The following RBFOX1 variants were observed in gnomAD, a reference collection of about 807,000 sequenced individuals.
The protein encoded by RBFOX1 is RNA binding fox-1 homolog 1, also known as RNA binding protein fox-1 homolog 1.
RBFOX1 carries 8 observed loss-of-function variants against 57.7 expected under a neutral mutation model. The ratio of observed to expected loss-of-function variants is 0.14; its 90% CI spans 0.08 to 0.25. The LOEUF is 0.25. Ranked by LOEUF, RBFOX1 falls within the 10% of genes least tolerant of loss-of-function variation. The pLI is 1.00. For missense variants in RBFOX1, 611 were observed against 548.5 expected, an observed-to-expected ratio of 1.11 and a Z score of -1.14; for synonymous variants, 326 against 222.4, an observed-to-expected ratio of 1.47 and a Z score of -4.15.
At chr16:6,453,897 C>A (rs893806638) in intron 2 of RBFOX1, among the ~76,000 whole-genome samples, 1 of 152,210 alleles carries the variant, frequency 6.6e-6, no homozygotes, top group Non-Finnish European at 1.5e-5. Context: ...TAGTAAAATG[C>A]CACAGACTGT....
chr16:5,946,410 C>T lies in RBFOX1; in HGVS notation c.351+79075C>T, dbSNP rs79231906. Among the ~76,000 whole-genome samples the T allele has an allele frequency of 1.0e-3, 153 of 152,240 alleles. 1 individual carries two copies. In the East Asian group the frequency reaches 0.022, roughly 22 times the overall value. On this transcript the variant is annotated intron_variant, in intron 4 of 19. Transcript: ENST00000641259. The surrounding 1 kb of genome is among the most constrained non-coding windows in gnomAD (Gnocchi z 4.6). ...TGTTTATCAAACACCAACCAAGTGCCGGATGCACTACTCTATCTTGCGACA... is the reference window on the plus strand; with the variant it reads ...TGTTTATCAAACACCAACCAAGTGCTGGATGCACTACTCTATCTTGCGACA...
At chr16:5,977,925 T>C (rs2060097445) in intron 4 of RBFOX1, among the ~76,000 whole-genome samples, 1 of 151,810 alleles carries the variant, frequency 6.6e-6, no homozygotes, top group Non-Finnish European at 1.5e-5. Context: ...CCTGCTAAAA[T>C]CGATATTCCA....
intron 3 of RBFOX1, among the ~76,000 whole-genome samples, chr16:6,930,894 C>G (rs1378214296): frequency 6.6e-6 from 1 of 152,048 alleles, no homozygotes; most frequent in Non-Finnish European, 1.5e-5. Context: ...CCCCTGCCCC[C>G]TCACCATAGC....
intron 1 of RBFOX1, among the ~76,000 whole-genome samples, chr16:6,167,350 G>C (rs1029982413): frequency 6.6e-6 from 1 of 152,128 alleles, no homozygotes; most frequent in Non-Finnish European, 1.5e-5. Flanking sequence ...CTCCCAGCCT[G>C]GCTTCAGCTT....
intron 4 of RBFOX1, among the ~76,000 whole-genome samples, chr16:7,280,757 C>T (rs1436480178): frequency 1.3e-5 from 2 of 152,070 alleles, no homozygotes; most frequent in East Asian, 1.9e-4. Flanking sequence ...TTGGCAAAAT[C>T]CCTGGCCTTT....
At position 6,122,395 on chromosome 16, in the gene RBFOX1, C is replaced by T. The variant is rs1173026437; in HGVS notation, c.-127+102403C>T. Reference sequence around the variant, plus strand: ...ACACACACACACACACACACACACACATTTTTAAAGGAGCTTTCAACCTGC... The same window carrying T: ...ACACACACACACACACACACACACATATTTTTAAAGGAGCTTTCAACCTGC... On this transcript the variant is annotated intron_variant, in intron 1 of 15. Transcript: ENST00000550418. Among the ~76,000 whole-genome samples, 5 of 139,746 alleles carry T rather than the reference C, an allele frequency of 3.6e-5. No homozygotes were observed. The East Asian group carries it at 6.6e-4, about 18-fold the overall frequency. The allele number at this position is 139,746 out of a possible 152,430, so 91.7% of individuals were successfully genotyped here.
chr16:7,699,476 G>A (rs2079936250), intron 14 of RBFOX1, among the ~76,000 whole-genome samples: 1 of 152,116 alleles, frequency 6.6e-6, no homozygotes, highest in South Asian at 2.1e-4. Flanking sequence ...ACAGGCACGG[G>A]CCCACCACAC....
At chr16:6,121,896 T>C (rs894217894) in intron 1 of RBFOX1, among the ~76,000 whole-genome samples, 1 of 152,182 alleles carries the variant, frequency 6.6e-6, no homozygotes, top group Admixed American at 6.5e-5. Context: ...TCAATGACTC[T>C]TTTTGTTATT....
intron 1 of RBFOX1, among the ~76,000 whole-genome samples, chr16:5,257,120 T>C (rs2062608994): frequency 1.3e-5 from 2 of 151,848 alleles, no homozygotes; most frequent in South Asian, 4.2e-4. Flanking sequence ...CACTTTGGGT[T>C]CTTTCCACAA....
At chr16:7,465,117 T>C (rs1014920128) in intron 4 of RBFOX1, among the ~76,000 whole-genome samples, 1 of 152,178 alleles carries the variant, frequency 6.6e-6, no homozygotes, top group Non-Finnish European at 1.5e-5. Flanking sequence ...GAACCCCAAG[T>C]TATTTTCTAC....
intron 1 of RBFOX1, among the ~76,000 whole-genome samples, chr16:6,306,088 G>A: frequency 6.6e-6 from 1 of 152,170 alleles, no homozygotes; most frequent in Admixed American, 6.5e-5. Flanking sequence ...TGAGTGCAGA[G>A]TATTTGGTGG....
intron 1 of RBFOX1, among the ~76,000 whole-genome samples, chr16:6,275,340 A>T (rs1260000446): frequency 6.6e-6 from 1 of 152,066 alleles, no homozygotes; most frequent in Non-Finnish European, 1.5e-5. Context: ...AAGAAAAGAA[A>T]AGTTAGCATC....
chr16:7,474,007 G>A (rs901144985), intron 4 of RBFOX1, among the ~76,000 whole-genome samples: 4 of 151,720 alleles, frequency 2.6e-5, no homozygotes, highest in African/African-American at 2.4e-5. Context: ...ACAGCCCCCC[G>A]GCCGGGCATG....
chr16:6,710,115 C>A (rs1408328888), intron 3 of RBFOX1, among the ~76,000 whole-genome samples: 1 of 152,064 alleles, frequency 6.6e-6, no homozygotes, highest in African/African-American at 2.4e-5. Context: ...AGCAAAAATA[C>A]CATGAGTTTT....
chr16:5,986,581 G>A (rs3859171), intron 4 of RBFOX1, among the ~76,000 whole-genome samples: 79,687 of 151,554 alleles, frequency 0.53, 21,419 homozygotes, highest in African/African-American at 0.64. Flanking sequence ...CTGATTCGTT[G>A]TCTGTATCTA....
At chr16:6,684,326 G>A (rs1267133546) in intron 3 of RBFOX1, among the ~76,000 whole-genome samples, 1 of 152,196 alleles carries the variant, frequency 6.6e-6, no homozygotes, top group Non-Finnish European at 1.5e-5. Flanking sequence ...CTAAAAGGAA[G>A]ACAGGTATGC....
At chr16:7,409,530 C>T (rs559885820) in intron 4 of RBFOX1, among the ~76,000 whole-genome samples, 4 of 152,242 alleles carry the variant, frequency 2.6e-5, no homozygotes, top group African/African-American at 4.8e-5. Flanking sequence ...TTCCTGGTTT[C>T]GATTATTTTG....
chr16:7,113,876 G>A (rs996462337), intron 4 of RBFOX1, among the ~76,000 whole-genome samples: 3 of 152,022 alleles, frequency 2.0e-5, no homozygotes, highest in African/African-American at 7.2e-5. Flanking sequence ...TGGCACTCTC[G>A]GGTCATGCAT....
chr16:5,489,007 T>G (rs4464083), intron 2 of RBFOX1, among the ~76,000 whole-genome samples: 110,610 of 152,144 alleles, frequency 0.73, 41,114 homozygotes, highest in East Asian at 0.89. Flanking sequence ...TCCCTTTCTG[T>G]CATTTTCTGC....
Sources: gnomAD v4.1 joint callset for allele counts (sites outside exome capture counted in the v4.1 genomes callset) on GRCh38, gnomAD v4.1.1 for gene constraint, Gnocchi (gnomAD v3.1) non-coding constraint, MANE v1.5 for transcripts, NCBI Gene and HGNC (gene_info 2026-07-23, HGNC 2026-07-21) for gene names.